The following WDR27 variants were observed in gnomAD, a reference collection of about 807,000 sequenced individuals.
WDR27 encodes WD repeat domain 27.
A neutral mutation model predicts 114.4 loss-of-function variants in WDR27; 100 were observed. The ratio of observed to expected loss-of-function variants is 0.87; its 90% CI spans 0.74 to 1.03. The LOEUF is 1.03. WDR27 is among the 50% of genes least tolerant of loss of function. The probability of loss-of-function intolerance (pLI) is 0.00; values close to 1 mark genes in which losing one functional copy is unlikely to be tolerated. For missense variants in WDR27, 1,129 were observed against 1,092.9 expected, an observed-to-expected ratio of 1.03 and a Z score of -0.47; for synonymous variants, 449 against 423.1, an observed-to-expected ratio of 1.06 and a Z score of -0.75.
rs376722233 is a variant in WDR27, at chr6:169,688,363, G to A, written c.189+454C>T. The stretch of plus-strand genomic sequence containing the variant: ...AGTCAAGATAGTGTTGCCTTTTGGG[G>A]AGGAGAGAAGTGGGCATTGACGGAG... On this transcript the variant is annotated intron_variant, in intron 2 of 25. Transcript: ENST00000448612. Among the ~76,000 whole-genome samples the A allele has an allele frequency of 1.9e-4, 29 of 152,278 alleles. No homozygotes were observed. In the South Asian group the frequency reaches 3.9e-3, roughly 21 times the overall value.
chr6:169,480,154 C>A (rs1787768699), intron 25 of WDR27, among the ~76,000 whole-genome samples: 1 of 152,216 alleles, frequency 6.6e-6, no homozygotes, highest in African/African-American at 2.4e-5. Flanking sequence ...GCCACCGGCC[C>A]CAGGCAGTGA....
intron 25 of WDR27, among the ~76,000 whole-genome samples, chr6:169,465,638 C>G (rs1296301912): frequency 6.6e-6 from 1 of 152,158 alleles, no homozygotes; most frequent in African/African-American, 2.4e-5. Context: ...AACATGGAGG[C>G]AATCCAAGCA....
chr6:169,645,048 A>AT (rs1820288782), intron 16 of WDR27, among the ~76,000 whole-genome samples: 3 of 59,070 alleles, frequency 5.1e-5, no homozygotes, highest in Non-Finnish European at 8.8e-5. Context: ...AAAAAAAAAA[A>AT]AAAAAAAAAA....
chr6:169,661,415 T>C (rs1826064385), intron 9 of WDR27, among the ~76,000 whole-genome samples: 1 of 152,152 alleles, frequency 6.6e-6, no homozygotes, highest in Non-Finnish European at 1.5e-5. Flanking sequence ...AGAAGCCATC[T>C]CCAGGGAGGC....
intron 25 of WDR27, among the ~76,000 whole-genome samples, chr6:169,553,740 G>T (rs935068457): frequency 2.5e-4 from 38 of 152,274 alleles, no homozygotes; most frequent in Middle Eastern, 3.4e-3. Flanking sequence ...GATACTTAAG[G>T]TTCTCTTCTC....
intron 25 of WDR27, among the ~76,000 whole-genome samples, chr6:169,460,395 C>T (rs1784769943): frequency 6.6e-6 from 1 of 152,060 alleles, no homozygotes; most frequent in Non-Finnish European, 1.5e-5. Context: ...TAGAATACTA[C>T]ATGTAATTCC....
At chr6:169,690,257 A>C (rs1265450838) in intron 1 of WDR27, among the ~76,000 whole-genome samples, 10 of 151,582 alleles carry the variant, frequency 6.6e-5, no homozygotes, top group Non-Finnish European at 1.3e-4. Context: ...CCATGCAGCC[A>C]TCACACTGGT....
chr6:169,441,436 C>T, the WDR27 span, among the ~76,000 whole-genome samples: 4 of 152,178 alleles, frequency 2.6e-5, no homozygotes, highest in African/African-American at 4.8e-5. Flanking sequence ...GTCAGACCAG[C>T]GGCAGGTGGG....
At chr6:169,687,686 G>A (rs1255061503) in intron 2 of WDR27, among the ~76,000 whole-genome samples, 1 of 152,148 alleles carries the variant, frequency 6.6e-6, no homozygotes, top group Non-Finnish European at 1.5e-5. Context: ...TCACTATCAT[G>A]AGGAATTGAT....
intron 25 of WDR27, among the ~76,000 whole-genome samples, chr6:169,567,077 C>T (rs1287829902): frequency 2.0e-5 from 3 of 152,170 alleles, no homozygotes; most frequent in Non-Finnish European, 4.4e-5. Context: ...GTCTGATAGG[C>T]AGCAGCCCGA....
chr6:169,642,225 C>T (rs1819371965), intron 17 of WDR27, among the ~76,000 whole-genome samples: 1 of 152,172 alleles, frequency 6.6e-6, no homozygotes, highest in South Asian at 2.1e-4. Flanking sequence ...CAACGTTGAG[C>T]GATGCCACTA....
intron 25 of WDR27, among the ~76,000 whole-genome samples, chr6:169,465,742 A>C (rs1785497835): frequency 6.6e-6 from 1 of 152,252 alleles, no homozygotes; most frequent in South Asian, 2.1e-4. Flanking sequence ...ACAGGCTAAA[A>C]CATAAATGAA....
intron 2 of WDR27, among the ~76,000 whole-genome samples, chr6:169,673,404 A>AAT (rs1214405613): frequency 6.6e-5 from 10 of 151,918 alleles, no homozygotes; most frequent in South Asian, 2.1e-4. Flanking sequence ...GACAAAATTA[A>AAT]ATATATATAT....
At chr6:169,498,418 TA>T (rs889942126) in intron 25 of WDR27, among the ~76,000 whole-genome samples, 2 of 152,164 alleles carry the variant, frequency 1.3e-5, no homozygotes, top group Non-Finnish European at 2.9e-5. Flanking sequence ...ACTATGCACT[TA>T]AAAATGGTTA....
chr6:169,573,558 G>A (rs1033707911), intron 24 of WDR27, among the ~76,000 whole-genome samples: 4 of 152,124 alleles, frequency 2.6e-5, no homozygotes, highest in Non-Finnish European at 5.9e-5. Context: ...GCACACGGGG[G>A]ACCTGGAACC....
rs959681654 is a variant in WDR27 at position 169,637,061 on chromosome 6, G to A, written c.1870-557C>T. Among the ~76,000 whole-genome samples the A allele has an allele frequency of 3.9e-5, 6 of 152,178 alleles. 1 individual carries two copies. The highest frequency in any genetic ancestry group is 2.0e-4 in the Admixed American group (3 of 15,278). On this transcript the variant is annotated intron_variant, in intron 18 of 25. Transcript: ENST00000448612. ...TCCCAACATCTTTGAAAATTGGACT[G>A]CTTTTTATGTTATGTTCTTTGCAAG...
intron 25 of WDR27, among the ~76,000 whole-genome samples, chr6:169,495,786 T>G (rs1174616288): frequency 6.6e-6 from 1 of 151,956 alleles, no homozygotes; most frequent in Admixed American, 6.6e-5. Context: ...AACCAAAAAT[T>G]TCCACAAAGA....
At chr6:169,599,138 C>T (rs1181639684) in intron 23 of WDR27, among the ~76,000 whole-genome samples, 1 of 148,276 alleles carries the variant, frequency 6.7e-6, no homozygotes, top group Non-Finnish European at 1.5e-5. Context: ...TCCCTCCCCC[C>T]TCCCCCCACA....
intron 19 of WDR27, among the ~76,000 whole-genome samples, chr6:169,634,947 C>T (rs921673520): frequency 6.6e-6 from 1 of 152,154 alleles, no homozygotes; most frequent in Non-Finnish European, 1.5e-5. Context: ...GAAAGTCCCA[C>T]AAGATCAGAA....
Sources: gnomAD v4.1 joint callset for allele counts (sites outside exome capture counted in the v4.1 genomes callset) on GRCh38, gnomAD v4.1.1 for gene constraint, MANE v1.5 for transcripts, NCBI Gene and HGNC (gene_info 2026-07-23, HGNC 2026-07-21) for gene names.